COL5A1: variants seen among roughly 807,000 people sequenced by gnomAD.
COL5A1 encodes the protein collagen type V alpha 1 chain.
A neutral mutation model predicts 263.7 loss-of-function variants in COL5A1; 16 were observed. The ratio of observed to expected loss-of-function variants is 0.06; its 90% confidence interval spans 0.04 to 0.09. The LOEUF (loss-of-function observed/expected upper bound fraction) is 0.09. Among genes scored for constraint, COL5A1 ranks in the 10% least tolerant of loss-of-function variants. The pLI is 1.00. For missense variants in COL5A1, 2,036 were observed against 2,540.5 expected (o/e 0.80, Z 4.27); for synonymous variants, 1,012 against 1,004.5 (o/e 1.01, Z -0.14).
intron 19 of COL5A1, 132 bp downstream of exon 19, chr9:134,762,110 C>A: frequency 2.2e-6 from 2 of 889,036 alleles, no homozygotes; most frequent in Non-Finnish European, 3.7e-6. Flanking sequence ...TGGGAGAAGG[C>A]AGATGGGGAT....
intron 32 of COL5A1, among the ~76,000 whole-genome samples, chr9:134,792,599 A>C (rs1251740499): frequency 6.6e-6 from 1 of 152,108 alleles, no homozygotes; most frequent in Non-Finnish European, 1.5e-5. Flanking sequence ...TCCTGACCTC[A>C]AGTGATCTGC....
In COL5A1 at chr9:134,717,406, C is replaced by T. The variant is rs1371896748; in HGVS notation, c.655-9860C>T. Among the ~76,000 whole-genome samples the T allele has an allele frequency of 7.9e-5, 12 of 152,330 alleles. No individual in the cohort carries two copies. The East Asian group carries it at 9.7e-4, about 12-fold the overall frequency. On this transcript the variant is annotated intron_variant, in intron 4 of 65. Transcript: ENST00000371817. ...TCTGGGGCCAGCGTTGTTCCATCCC[C>T]AGCTTCAGAAGGGGAAAGAATGGTT...
rs76259822 is a variant in COL5A1, at chr9:134,812,054, C to T, written c.3691-395C>T. Among the ~76,000 whole-genome samples, 28 of 152,274 alleles carry T rather than the reference C, an allele frequency of 1.8e-4. No individual in the cohort carries two copies. In the East Asian group the frequency reaches 4.3e-3, roughly 23 times the overall value. ...TTCCCCATTTTCCATCCTCCATTCC[C>T]GTTTTATGTTACGAGTGTGTTGAAT... On this transcript the variant is annotated intron_variant, in intron 46 of 65. Coordinates refer to ENST00000371817, the MANE Select transcript of COL5A1 (RefSeq NM_000093.5).
Position 134,795,084 on chromosome 9 carries a change from G to C in COL5A1, c.2703G>C (p.Gly901=), listed in dbSNP as rs749900113. The C allele has an allele frequency of 7.4e-6, 12 of 1,613,904 alleles. No homozygotes were observed. Among genetic ancestry groups the C allele is most frequent in the Non-Finnish European group, 7.6e-6 (9 of 1,180,002 alleles). ...PGANGEKGGR[G]TPGKPGPRGQ... ...ACCAGCCCCTTCTCTGATTCTAGGG[G>C]ACCCCTGGAAAGCCAGGACCGCGGG... The change falls in exon 33 of 66, where the codon GGG becomes GGC. Residue 901 remains glycine, a splice_region_variant and synonymous_variant. Transcript: ENST00000371817.
At chr9:134,744,541 CCA>C (rs747422851) in intron 11 of COL5A1, among the ~76,000 whole-genome samples, 6 of 147,930 alleles carry the variant, frequency 4.1e-5, no homozygotes, top group Non-Finnish European at 9.0e-5. Flanking sequence ...ACACTCACAC[CCA>C]CACATGCACA....
chr9:134,836,419 C>T (rs1839857525), intron 65 of COL5A1, among the ~76,000 whole-genome samples: 1 of 152,172 alleles, frequency 6.6e-6, no homozygotes, highest in African/African-American at 2.4e-5. Context: ...CCCACCAGGC[C>T]CACCTCCAAC....
chr9:134,703,617 G>A (rs946550020), intron 4 of COL5A1, among the ~76,000 whole-genome samples: 14 of 149,896 alleles, frequency 9.3e-5, no homozygotes, highest in African/African-American at 3.4e-4. Context: ...AGGCCACGCG[G>A]TGGCCTCGGG....
intron 20 of COL5A1, among the ~76,000 whole-genome samples, chr9:134,764,757 C>T (rs1205259685): frequency 1.3e-5 from 2 of 152,130 alleles, no homozygotes; most frequent in African/African-American, 4.8e-5. Flanking sequence ...CCCCAGATGT[C>T]TGATTAGCCT....
chr9:134,685,533 C>CT (rs1833028786), intron 1 of COL5A1, among the ~76,000 whole-genome samples: 1 of 146,240 alleles, frequency 6.8e-6, no homozygotes. Flanking sequence ...CATCCATCCA[C>CT]CATCCATCCA....
At chr9:134,753,965 G>T (rs1449053393) in intron 15 of COL5A1, 62 bp downstream of exon 15, 1 of 1,444,524 alleles carries the variant, frequency 6.9e-7, no homozygotes, top group Non-Finnish European at 9.7e-7. Flanking sequence ...CGGCAGCGAC[G>T]GCGAGCATGG....
At chr9:134,750,972 A>G in intron 13 of COL5A1, 90 bp downstream of exon 13, 1 of 1,093,760 alleles carries the variant, frequency 9.1e-7, no homozygotes, top group South Asian at 1.3e-5. Flanking sequence ...TCAGAGCCCA[A>G]CTTGGAGGGA....
At position 134,716,853 on chromosome 9, in the gene COL5A1, G is replaced by T. The variant is rs1834280329; in HGVS notation, c.655-10413G>T. On this transcript the variant is annotated intron_variant, in intron 4 of 65. Transcript: ENST00000371817. This position sits in a 1 kb window ranked among gnomAD's most constrained non-coding sequence, Gnocchi z 4.5. ...GTAGACTTGACCCTACACGTCTTGG[G>T]CTGGTGGCTGCAGGTGAGAATTGGA... Among the ~76,000 whole-genome samples, 1 of 152,184 alleles carries T rather than the reference G, an allele frequency of 6.6e-6. No homozygotes were observed. The highest frequency in any genetic ancestry group is 1.5e-5 in the Non-Finnish European group (1 of 68,026).
At position 134,835,051 on chromosome 9, in the gene COL5A1, C is replaced by A. The variant is rs869025374; in HGVS notation, c.5217C>A (p.His1739Gln). 7.4e-6 allele frequency: 12 copies of A among 1,613,446 alleles called. No homozygotes were observed. The Middle Eastern group carries it at 9.9e-4, about 133-fold the overall frequency. Residue 1739 changes from histidine (H) to glutamine (Q), a missense_variant, in exon 65 of 66, where the codon CAC (histidine) becomes CAA (glutamine). This residue lies in a region of COL5A1 where 358 missense variants were observed against 384.6 expected (regional missense o/e 0.93). Coordinates refer to ENST00000371817, the MANE Select transcript of COL5A1 (RefSeq NM_000093.5). ...TFLRLLSASA[H>Q]QNVTYHCYQS... ...TGCGGCTGCTGAGCGCCTCTGCCCA[C>A]CAGAACGTCACCTACCACTGCTACC...
chr9:134,830,767 G>C (rs1564184388), intron 64 of COL5A1, among the ~76,000 whole-genome samples: 1 of 152,226 alleles, frequency 6.6e-6, no homozygotes, highest in Non-Finnish European at 1.5e-5. Flanking sequence ...TGGCCTCCCA[G>C]GAAAGAACCA....
chr9:134,641,900 A>C lies in COL5A1; in HGVS notation c.-288A>C. 6 of 377,160 alleles carry C rather than the reference A, an allele frequency of 1.6e-5. No homozygotes were observed. The highest frequency in any genetic ancestry group is 4.5e-5 in the Admixed American group (1 of 22,004). The allele number at this position is 377,160 out of a possible 1,614,324, so 23.4% of individuals were successfully genotyped here. A position where few individuals can be genotyped will look rare whatever the true frequency, so the allele number is the denominator to read the frequency against. ...GGGCGGCGGCGGCGAGGAGGAGGCG[A>C]GAAGGAGTTGGAGGAGGAGGAGGAG... is the stretch of plus-strand genomic sequence containing the variant. On this transcript the variant is annotated 5_prime_UTR_variant, in exon 1 of 66. Coordinates refer to ENST00000371817, the MANE Select transcript of COL5A1 (RefSeq NM_000093.5).
At chr9:134,643,529 A>G (rs1408225051) in intron 1 of COL5A1, among the ~76,000 whole-genome samples, 1 of 152,124 alleles carries the variant, frequency 6.6e-6, no homozygotes, top group Non-Finnish European at 1.5e-5. Context: ...TTGTTGGGCT[A>G]ACTGGATGAG....
intron 11 of COL5A1, among the ~76,000 whole-genome samples, chr9:134,745,218 T>G (rs1835467075): frequency 6.6e-6 from 1 of 152,202 alleles, no homozygotes; most frequent in Non-Finnish European, 1.5e-5. Context: ...TGTTGAAGAT[T>G]CATTGGAGGG....
chr9:134,761,785 G>A (rs2132717492), intron 18 of COL5A1, 140 bp from the exon 19 acceptor site: 2 of 883,738 alleles, frequency 2.3e-6, no homozygotes, highest in Non-Finnish European at 3.8e-6. Flanking sequence ...ATCTTCTAAG[G>A]AAAATTCCCC....
intron 32 of COL5A1, among the ~76,000 whole-genome samples, chr9:134,792,785 A>ATGTGTG (rs575047102): frequency 6.4e-5 from 3 of 46,930 alleles, no homozygotes; most frequent in African/African-American, 1.3e-4. Flanking sequence ...GTGTGTACAT[A>ATGTGTG]TGTGTGTGTG....
Sources: gnomAD v4.1 joint callset for allele counts (sites outside exome capture counted in the v4.1 genomes callset) on GRCh38, gnomAD v4.1.1 for gene constraint, gnomAD v4.1.1 regional missense constraint, Gnocchi (gnomAD v3.1) non-coding constraint, MANE v1.5 for transcripts, NCBI Gene and HGNC (gene_info 2026-07-23, HGNC 2026-07-21) for gene names.